Variants in ZBTB24 observed in about 807,000 individuals in gnomAD.
ZBTB24 encodes zinc finger and BTB domain containing 24.
ZBTB24 carries 32 observed loss-of-function variants against 53.8 expected under a neutral mutation model. The observed-to-expected ratio is 0.60, with a 90% CI of 0.45 to 0.80. ZBTB24 has a LOEUF of 0.80. Among genes scored for constraint, ZBTB24 ranks in the 30% least tolerant of loss-of-function variants. The pLI is 0.00. For missense variants in ZBTB24, 722 were observed against 837.1 expected, an observed-to-expected ratio of 0.86 and a Z score of 1.70; for synonymous variants, 297 against 306.7, an observed-to-expected ratio of 0.97 and a Z score of 0.33.
chr6:109,476,915 T>C lies in ZBTB24; in HGVS notation c.968A>G (p.Lys323Arg). The change falls in exon 3 of 7, where the codon AAA becomes AGA. Residue 323 changes from lysine (K) to arginine (R), a missense_variant. By Grantham distance (26) the Lys-to-Arg change is conservative. Transcript: ENST00000230122. ...AAAGCCTTTTCCACACTCATTACAT[T>C]TGAAAGGTCGCTCCCCTGGAAGAAG... ...QRSHTGERPF[K>R]CNECGKGFAQ... 6.2e-7 allele frequency: 1 copy of C among 1,614,106 alleles called. No individual in the cohort carries two copies.
intron 5 of ZBTB24, among the ~76,000 whole-genome samples, chr6:109,468,230 T>C (rs1776092044): frequency 6.6e-6 from 1 of 152,090 alleles, no homozygotes; most frequent in Admixed American, 6.5e-5. Flanking sequence ...CACCATCTCT[T>C]GCCTCTTATG....
At chr6:109,476,122 A>T in intron 4 of ZBTB24, 53 bp downstream of exon 4, 1 of 1,589,238 alleles carries the variant, frequency 6.3e-7, no homozygotes, top group Non-Finnish European at 8.6e-7. Context: ...TTCAGAAACA[A>T]TTCTTATTTG....
chr6:109,469,889 C>T (rs954651307), intron 5 of ZBTB24, among the ~76,000 whole-genome samples: 4 of 152,112 alleles, frequency 2.6e-5, no homozygotes, highest in Non-Finnish European at 5.9e-5. Flanking sequence ...ACGGTGTGCA[C>T]CAGTGACCAA....
At chr6:109,467,776 A>G in intron 5 of ZBTB24, 42 bp from the exon 6 acceptor site, 1 of 1,601,516 alleles carries the variant, frequency 6.2e-7, no homozygotes, top group Non-Finnish European at 8.5e-7. Flanking sequence ...CAAAACAAAA[A>G]AACATTTAAC....
At chr6:109,476,057 T>C (rs1776271636) in intron 4 of ZBTB24, 118 bp downstream of exon 4, 1 of 1,143,240 alleles carries the variant, frequency 8.7e-7, no homozygotes, top group Admixed American at 2.3e-5. Flanking sequence ...CACTTTTCCC[T>C]AAATACCCTA....
In ZBTB24 at chr6:109,464,303, C is replaced by A. The variant is rs1775980466; in HGVS notation, c.*1548G>T. On this transcript the variant is annotated 3_prime_UTR_variant, in exon 7 of 7. Transcript: ENST00000230122. Reference sequence around the variant, plus strand: ...TGCAACCAAAATGTTTTTATCTTCTCTCAAACCTGAAGAATTCTCTATTAC... The same window carrying A: ...TGCAACCAAAATGTTTTTATCTTCTATCAAACCTGAAGAATTCTCTATTAC... 6.6e-6 allele frequency: 1 copy of A among 152,116 alleles called. No individual in the cohort carries two copies. Among genetic ancestry groups the A allele is most frequent in the Admixed American group, 6.5e-5 (1 of 15,278 alleles). The allele number at this position is 152,116 out of a possible 1,614,324, so 9.4% of individuals were successfully genotyped here. A position where few individuals can be genotyped will look rare whatever the true frequency, so the allele number is the denominator to read the frequency against.
chr6:109,471,644 C>G (rs1280939355), intron 5 of ZBTB24, among the ~76,000 whole-genome samples: 1 of 152,186 alleles, frequency 6.6e-6, no homozygotes, highest in East Asian at 1.9e-4. Flanking sequence ...CCAGGCTTCT[C>G]TGTGACCTGG....
chr6:109,467,598 G>A (rs2232446), intron 6 of ZBTB24, 55 bp downstream of exon 6: 24,973 of 1,613,504 alleles, frequency 0.015, 231 homozygotes, highest in Non-Finnish European at 0.018. Context: ...TCACCTCACT[G>A]AACAGCAGAA....
Position 109,466,490 on chromosome 6 carries a change from A to T in ZBTB24, c.1455T>A (p.Thr485=), listed in dbSNP as rs142494516. 2 of 1,614,144 alleles carry T rather than the reference A, an allele frequency of 1.2e-6. No individual in the cohort carries two copies. The highest frequency in any genetic ancestry group is 1.7e-6 in the Non-Finnish European group (2 of 1,180,064). ...CAGGGCAGGAGAAAGGCTTCTTGCC[A>T]GTGTGTAGAATGCAGTGTCTCCTTT... ...SAKRRHCILH[T]GKKPFSCPEC... The change falls in exon 7 of 7, where the codon ACT becomes ACA. Residue 485 remains threonine, a synonymous_variant. Transcript: ENST00000230122.
At chr6:109,479,508 C>T (rs1776351449) in intron 2 of ZBTB24, among the ~76,000 whole-genome samples, 1 of 152,174 alleles carries the variant, frequency 6.6e-6, no homozygotes, top group Non-Finnish European at 1.5e-5. Context: ...ATGAATTGAA[C>T]CATTGTGAGT....
At chr6:109,471,585 C>T (rs1776166853) in intron 5 of ZBTB24, among the ~76,000 whole-genome samples, 1 of 152,164 alleles carries the variant, frequency 6.6e-6, no homozygotes, top group African/African-American at 2.4e-5. Flanking sequence ...CATCCAGGAA[C>T]AGGGACACTG....
rs760120203 is a variant in ZBTB24, at chr6:109,465,833, G to A, written c.*18C>T. 4 of 1,614,180 alleles carry A rather than the reference G, an allele frequency of 2.5e-6. No individual in the cohort carries two copies. The highest frequency in any genetic ancestry group is 3.4e-6 in the Non-Finnish European group (4 of 1,180,040). ...CTTATAAGAAGAGCCCAATCAAGCA[G>A]TCAAACGTGTTTACAGGTCAGCTCT... On this transcript the variant is annotated 3_prime_UTR_variant, in exon 7 of 7. Transcript: ENST00000230122.
Position 109,463,785 on chromosome 6 carries a change from TA to T in ZBTB24, c.*2065del, listed in dbSNP as rs150689460. On this transcript the variant is annotated 3_prime_UTR_variant, in exon 7 of 7. Transcript: ENST00000230122. Reference sequence around the variant, plus strand: ...ACTAATATATTTTTATATGTTGAAATATTTGGCAAATGTTGGATTAAATAAA... The same window carrying T: ...ACTAATATATTTTTATATGTTGAAATTTTGGCAAATGTTGGATTAAATAAA... 1.3e-5 allele frequency: 2 copies of T among 152,344 alleles called. No homozygotes were observed. Among genetic ancestry groups the T allele is most frequent in the East Asian group, 3.9e-4 (2 of 5,194 alleles). The allele number at this position is 152,344 out of a possible 1,614,324, so 9.4% of individuals were successfully genotyped here.
At chr6:109,478,773 A>G (rs1204628190) in intron 2 of ZBTB24, among the ~76,000 whole-genome samples, 1 of 152,126 alleles carries the variant, frequency 6.6e-6, no homozygotes, top group Non-Finnish European at 1.5e-5. Flanking sequence ...TGATTTAAAA[A>G]AAAAACACCA....
chr6:109,467,834 C>T (rs1562299917), intron 5 of ZBTB24, 100 bp from the exon 6 acceptor site: 2 of 1,341,632 alleles, frequency 1.5e-6, no homozygotes, highest in Non-Finnish European at 2.0e-6. Context: ...TTCGGTTTCA[C>T]AATATAAACA....
chr6:109,477,976 G>A (rs1252573728), intron 2 of ZBTB24, among the ~76,000 whole-genome samples: 1 of 152,216 alleles, frequency 6.6e-6, no homozygotes, highest in Non-Finnish European at 1.5e-5. Context: ...TGACTGAGTG[G>A]TTAAGTTAAA....
intron 5 of ZBTB24, among the ~76,000 whole-genome samples, chr6:109,469,889 C>G (rs954651307): frequency 6.6e-6 from 1 of 152,112 alleles, no homozygotes; most frequent in Non-Finnish European, 1.5e-5. Flanking sequence ...ACGGTGTGCA[C>G]CAGTGACCAA....
chr6:109,466,133 A>G lies in ZBTB24; in HGVS notation c.1812T>C (p.Asn604=), dbSNP rs1562298998. The G allele has an allele frequency of 6.2e-7, 1 of 1,614,244 alleles. No individual in the cohort carries two copies. Among genetic ancestry groups the G allele is most frequent in the East Asian group, 2.2e-5 (1 of 44,892 alleles). Residue 604 remains asparagine (N), a synonymous_variant, in exon 7 of 7, where the codon AAT becomes AAC. Transcript: ENST00000230122. Reference sequence around the variant, plus strand: ...GCTCCTGTTGAGCTGAAAGAATTAAATTCTGCAGTTGCTCTGGCTGCTGCG... The same window carrying G: ...GCTCCTGTTGAGCTGAAAGAATTAAGTTCTGCAGTTGCTCTGGCTGCTGCG... ...LLTQQPEQLQ[N]LILSAQQEQT...
rs1776287968 is a variant in ZBTB24, at chr6:109,476,838, G to T, written c.1045C>A (p.Pro349Thr). The T allele has an allele frequency of 6.2e-7, 1 of 1,614,066 alleles. No individual in the cohort carries two copies. The highest frequency in any genetic ancestry group is 8.5e-7 in the Non-Finnish European group (1 of 1,180,038). The stretch of plus-strand genomic sequence containing the variant: ...TTGCTGCACACGGTGCAGGTGTACG[G>T]CCGCTCGCCTGTGTGCATCCTGGTG... ...VHTRMHTGERPYTCTVCSKAL... is the reference protein window; with the variant it reads ...VHTRMHTGERTYTCTVCSKAL... Residue 349 changes from proline to threonine, a missense_variant, in exon 3 of 7, where the codon CCG (proline) becomes ACG (threonine). Coordinates refer to ENST00000230122, the MANE Select transcript of ZBTB24 (RefSeq NM_014797.3).
Sources: gnomAD v4.1 joint callset for allele counts (sites outside exome capture counted in the v4.1 genomes callset) on GRCh38, gnomAD v4.1.1 for gene constraint, MANE v1.5 for transcripts, NCBI Gene and HGNC (gene_info 2026-07-23, HGNC 2026-07-21) for gene names.